OR7E24: variants seen among roughly 807,000 people sequenced by gnomAD.
The protein encoded by OR7E24 is olfactory receptor family 7 subfamily E member 24.
For missense variants in OR7E24, 385 were observed against 410.3 expected (o/e 0.94, Z 0.53); for synonymous variants, 130 against 157.5 (o/e 0.83, Z 1.31).
upstream of OR7E24, among the ~76,000 whole-genome samples, chr19:9,248,051 G>A (rs1203285562): frequency 1.3e-5 from 2 of 152,012 alleles, no homozygotes; most frequent in African/African-American, 4.8e-5. Flanking sequence ...CTATTCCCTG[G>A]GTTAACTTTT....
At chr19:9,248,495 C>G (rs549720480), upstream of OR7E24, among the ~76,000 whole-genome samples, 71 of 152,188 alleles carry the variant, frequency 4.7e-4, no homozygotes, top group Non-Finnish European at 7.9e-4. Flanking sequence ...AACCTTCCCC[C>G]CCTCGAATCC....
At chr19:9,247,486 G>A (rs761070517), upstream of OR7E24, 5 of 398,586 alleles carry the variant, frequency 1.3e-5, no homozygotes, top group Admixed American at 1.3e-4. Flanking sequence ...ACTCTCCATG[G>A]TCATGGCCCA....
At chr19:9,227,815 G>A in the OR7E24 span, among the ~76,000 whole-genome samples, 90 of 143,844 alleles carry the variant, frequency 6.3e-4, 1 homozygote, top group East Asian at 0.012. Flanking sequence ...GTGCAGTGGC[G>A]GGATCTCGGC....
the OR7E24 span, among the ~76,000 whole-genome samples, chr19:9,215,427 A>G: frequency 6.6e-6 from 1 of 151,908 alleles, no homozygotes; most frequent in Admixed American, 6.6e-5. Flanking sequence ...AACTTAAATC[A>G]ATTTCTTCTT....
At chr19:9,235,038 G>C in the OR7E24 span, 1 of 553,630 alleles carries the variant, frequency 1.8e-6, no homozygotes, top group Non-Finnish European at 3.2e-6. Context: ...ATGGCTGAGT[G>C]AATCAGGATC....
the OR7E24 span, among the ~76,000 whole-genome samples, chr19:9,232,401 G>A: frequency 1.3e-5 from 2 of 152,014 alleles, no homozygotes; most frequent in East Asian, 3.9e-4. Context: ...AGCCAGGCGT[G>A]GTGGTGTGCG....
the OR7E24 span, among the ~76,000 whole-genome samples, chr19:9,223,680 T>A: frequency 6.6e-6 from 1 of 151,982 alleles, no homozygotes; most frequent in African/African-American, 2.4e-5. Flanking sequence ...TTTTTTATTG[T>A]ACTCACATAC....
upstream of OR7E24, among the ~76,000 whole-genome samples, chr19:9,245,073 G>A (rs535879020): frequency 4.6e-5 from 7 of 152,138 alleles, no homozygotes; most frequent in Admixed American, 2.0e-4. Context: ...AAAAATTAGC[G>A]GGCGGGTGGC....
the OR7E24 span, among the ~76,000 whole-genome samples, chr19:9,215,302 C>T: frequency 1.5e-5 from 2 of 135,038 alleles, no homozygotes; most frequent in African/African-American, 5.3e-5. Flanking sequence ...AAGATCATGG[C>T]ACTGCACTCC....
At chr19:9,249,270 T>C (rs1296016152), upstream of OR7E24, among the ~76,000 whole-genome samples, 1 of 152,196 alleles carries the variant, frequency 6.6e-6, no homozygotes, top group African/African-American at 2.4e-5. Context: ...CCAGAGCCTG[T>C]ATCTTGCTTG....
chr19:9,251,343 T>C lies in OR7E24; in HGVS notation c.300T>C (p.Ile100=), dbSNP rs1485518727. The change falls in exon 1 of 1, where the codon ATT becomes ATC. Residue 100 remains isoleucine, a synonymous_variant. Transcript: ENST00000456448. ...GFTSTTVPKM[I]VDMQTHSRVI... is the part of the protein sequence containing the mutation. ...CCTCCACCACGGTCCCCAAGATGAT[T>C]GTGGACATGCAAACTCACAGCAGAG... 1 of 1,614,112 alleles carries C rather than the reference T, an allele frequency of 6.2e-7. No individual in the cohort carries two copies. Among genetic ancestry groups the C allele is most frequent in the East Asian group, 2.2e-5 (1 of 44,890 alleles).
the OR7E24 span, among the ~76,000 whole-genome samples, chr19:9,216,126 A>G: frequency 6.6e-6 from 1 of 152,218 alleles, no homozygotes; most frequent in Non-Finnish European, 1.5e-5. Context: ...ACCTGTCTCC[A>G]TGATTCAATT....
At chr19:9,214,359 A>C in the OR7E24 span, 23 of 1,614,154 alleles carry the variant, frequency 1.4e-5, no homozygotes, top group African/African-American at 2.5e-4. Flanking sequence ...CATCAGTAGA[A>C]TATGAACCAG....
chr19:9,239,252 C>T, the OR7E24 span, among the ~76,000 whole-genome samples: 2 of 151,940 alleles, frequency 1.3e-5, no homozygotes, highest in Non-Finnish European at 2.9e-5. Flanking sequence ...TCACTGCAAG[C>T]TCCCCCTCCT....
chr19:9,251,277 C>T lies in OR7E24; in HGVS notation c.234C>T (p.Tyr78=). The change falls in exon 1 of 1, where the codon TAC becomes TAT. Residue 78 remains tyrosine, a synonymous_variant. Coordinates refer to ENST00000456448, the MANE Select transcript of OR7E24 (RefSeq NM_001079935.2). ...ACTCCCACCTCCACACCCCCATGTA[C>T]TTCTTCCTCTCCAACCTGTCCTTGG... is the stretch of plus-strand genomic sequence containing the variant. ...SSDSHLHTPM[Y]FFLSNLSLAD... is the part of the protein sequence containing the mutation. 1.9e-6 allele frequency: 3 copies of T among 1,614,104 alleles called. No individual in the cohort carries two copies. The highest frequency in any genetic ancestry group is 2.5e-6 in the Non-Finnish European group (3 of 1,180,022).
the OR7E24 span, among the ~76,000 whole-genome samples, chr19:9,236,446 G>A: frequency 1.3e-4 from 19 of 151,916 alleles, no homozygotes; most frequent in African/African-American, 4.1e-4. Flanking sequence ...GGAGGCGGAG[G>A]TTTCAGTGAG....
At chr19:9,209,047 G>A in the OR7E24 span, 2 of 152,142 alleles carry the variant, frequency 1.3e-5, no homozygotes, top group Admixed American at 1.3e-4. Context: ...ATGCTTTGTT[G>A]TTGGCACTTT....
At chr19:9,244,918 A>G (rs1298774184), upstream of OR7E24, among the ~76,000 whole-genome samples, 1 of 152,178 alleles carries the variant, frequency 6.6e-6, no homozygotes, top group Non-Finnish European at 1.5e-5. Flanking sequence ...AAAAATGGGC[A>G]GAAGGCCAGG....
upstream of OR7E24, among the ~76,000 whole-genome samples, chr19:9,250,400 C>G (rs2066141975): frequency 6.6e-6 from 1 of 152,162 alleles, no homozygotes; most frequent in South Asian, 2.1e-4. Context: ...GGGCTACTTT[C>G]TTATCAAAAC....
Sources: allele counts gnomAD v4.1 joint callset (sites outside exome capture counted in the v4.1 genomes callset), GRCh38; gene constraint gnomAD v4.1.1; transcripts MANE v1.5; gene names NCBI Gene and HGNC (gene_info 2026-07-23, HGNC 2026-07-21).